Variants in DSC1 observed in about 807,000 individuals in gnomAD.
The protein encoded by DSC1 is desmocollin 1.
Under a neutral mutation model 98.8 loss-of-function variants are expected in DSC1, and 79 were observed. The observed-to-expected ratio is 0.80, with a 90% CI of 0.67 to 0.96. DSC1 has a LOEUF of 0.96. Among genes scored for constraint, DSC1 ranks in the 50% least tolerant of loss-of-function variants. The pLI, the probability that DSC1 is intolerant of heterozygous loss-of-function variation, is 0.00. For missense variants in DSC1, 1,115 were observed against 1,075.9 expected (o/e 1.04, Z -0.51); for synonymous variants, 405 against 372.1 (o/e 1.09, Z -1.02).
At chr18:31,145,406 G>C (rs2144937882) in intron 7 of DSC1, among the ~76,000 whole-genome samples, 1 of 152,304 alleles carries the variant, frequency 6.6e-6, no homozygotes, top group Middle Eastern at 3.4e-3. Context: ...AATCAGGTTA[G>C]TGATTTCAAG....
chr18:31,158,051 A>G (rs6506887), intron 2 of DSC1, among the ~76,000 whole-genome samples: 85,047 of 151,954 alleles, frequency 0.56, 24,090 homozygotes, highest in East Asian at 0.66. Flanking sequence ...GGAGGATCAC[A>G]AGGTCGGGAG....
intron 11 of DSC1, 74 bp from the exon 12 acceptor site, chr18:31,134,858 G>C: frequency 7.3e-7 from 1 of 1,367,072 alleles, no homozygotes; most frequent in Non-Finnish European, 1.0e-6. Context: ...AAAATACACA[G>C]TTGACATCTG....
chr18:31,133,907 A>T lies in DSC1; in HGVS notation c.2100T>A (p.Gly700=). The T allele has an allele frequency of 6.2e-7, 1 of 1,612,894 alleles. No homozygotes were observed. The highest frequency in any genetic ancestry group is 8.5e-7 in the Non-Finnish European group (1 of 1,179,390). The change falls in exon 13 of 16, where the codon GGT becomes GGA. Residue 700 remains glycine (G), a synonymous_variant. Coordinates refer to ENST00000257198, the MANE Select transcript of DSC1 (RefSeq NM_024421.2). ...GRWAILAMVL[G]SVLLLCILFT... ...TATACTTACATAATAACAATACAGA[A>T]CCCAACACCATAGCAAGAATAGCCC... is the stretch of plus-strand genomic sequence containing the variant.
In DSC1 at chr18:31,134,599, T is replaced by C; in HGVS notation, c.1849A>G (p.Lys617Glu). 6.2e-7 allele frequency: 1 copy of C among 1,611,518 alleles called. No homozygotes were observed. Among genetic ancestry groups the C allele is most frequent in the Non-Finnish European group, 8.5e-7 (1 of 1,178,576 alleles). Residue 617 changes from lysine to glutamate, a missense_variant, in exon 12 of 16, where the codon AAA becomes GAA. Transcript: ENST00000257198. Reference sequence around the variant, plus strand: ...TCCTTTTCTTCTATGTTCCAGTTTTTACTGGCAGAATTATCCAGAAAGAAT... The same window carrying C: ...TCCTTTTCTTCTATGTTCCAGTTTTCACTGGCAGAATTATCCAGAAAGAAT... ...FQFFLDNSAS[K>E]NWNIEEKDGK...
chr18:31,150,360 T>C (rs1341228941), intron 5 of DSC1, among the ~76,000 whole-genome samples: 5 of 22,634 alleles, frequency 2.2e-4, no homozygotes, highest in African/African-American at 7.3e-4. Flanking sequence ...ACCACCACCA[T>C]CATCACCACC....
chr18:31,140,184 C>G lies in DSC1; in HGVS notation c.1378G>C (p.Val460Leu). ...TPTMCTTTVT[V>L]KIIDSDEGPE... is the part of the protein sequence containing the mutation. ...CCCTCATCACTGTCTATAATTTTAA[C>G]GGTGACAGTTGTAGTGCACATTGTA... The change falls in exon 10 of 16, where the codon GTT (valine) becomes CTT (leucine). Residue 460 changes from valine (V) to leucine (L), a missense_variant. Transcript: ENST00000257198. 1.2e-6 allele frequency: 2 copies of G among 1,613,870 alleles called. No individual in the cohort carries two copies. Among genetic ancestry groups the G allele is most frequent in the Non-Finnish European group, 1.7e-6 (2 of 1,179,882 alleles).
In DSC1 at chr18:31,131,798, G is replaced by A. The variant is rs1988497658; in HGVS notation, c.2283C>T (p.Asp761=). ...CAACAGTACCAACAGACATGCTTGT[G>A]TCACAAATGTTGGATGTCTGCATGG... The part of the protein sequence containing the change: ...RLPMQTSNIC[D]TSMSVGTVGG... The change falls in exon 15 of 16, where the codon GAC becomes GAT. Residue 761 remains aspartate (D), a synonymous_variant. Coordinates refer to ENST00000257198, the MANE Select transcript of DSC1 (RefSeq NM_024421.2). The A allele has an allele frequency of 2.5e-6, 4 of 1,613,948 alleles. No individual in the cohort carries two copies. Among genetic ancestry groups the A allele is most frequent in the Non-Finnish European group, 3.4e-6 (4 of 1,179,988 alleles).
At chr18:31,140,910 C>T (rs570852602) in intron 9 of DSC1, among the ~76,000 whole-genome samples, 1 of 152,264 alleles carries the variant, frequency 6.6e-6, no homozygotes, top group Non-Finnish European at 1.5e-5. Flanking sequence ...GTAATTGAAT[C>T]TTGGGGGCCA....
chr18:31,150,198 TCAC>T lies in DSC1; in HGVS notation c.628-1559_628-1557del, dbSNP rs1330768993. Among the ~76,000 whole-genome samples, 88 of 111,436 alleles carry T rather than the reference TCAC, an allele frequency of 7.9e-4. No individual in the cohort carries two copies. In the Middle Eastern group the frequency reaches 0.02, roughly 26 times the overall value. The allele number at this position is 111,436 out of a possible 152,430, so 73.1% of individuals were successfully genotyped here. A position where few individuals can be genotyped will look rare whatever the true frequency, so the allele number is the denominator to read the frequency against. On this transcript the variant is annotated intron_variant, in intron 5 of 15. Coordinates refer to ENST00000257198, the MANE Select transcript of DSC1 (RefSeq NM_024421.2). The stretch of plus-strand genomic sequence containing the variant: ...ACCACTACCATCACCACCATCATCA[TCAC>T]CACCACCACCACCATCACCACCACT...
At chr18:31,160,929 A>T (rs1418910408) in intron 1 of DSC1, among the ~76,000 whole-genome samples, 2 of 152,122 alleles carry the variant, frequency 1.3e-5, no homozygotes, top group African/African-American at 4.8e-5. Flanking sequence ...ACATTCTAAG[A>T]AATGCAACGT....
Position 31,131,802 on chromosome 18 carries a change from CA to C in DSC1, c.2278del (p.Cys760ValfsTer103), listed in dbSNP as rs1598611623. 1 of 1,614,066 alleles carries C rather than the reference CA, an allele frequency of 6.2e-7. No individual in the cohort carries two copies. The highest frequency in any genetic ancestry group is 8.5e-7 in the Non-Finnish European group (1 of 1,179,972). On this transcript the variant is annotated frameshift_variant, in exon 15 of 16. Coordinates refer to ENST00000257198, the MANE Select transcript of DSC1 (RefSeq NM_024421.2). LOFTEE classifies it high-confidence loss of function. Reference sequence around the variant, plus strand: ...AGTACCAACAGACATGCTTGTGTCACAAATGTTGGATGTCTGCATGGGGAGT... The same window carrying C: ...AGTACCAACAGACATGCTTGTGTCACAATGTTGGATGTCTGCATGGGGAGT... ...IRLPMQTSNI[C>X]DTSMSVGTVG...
chr18:31,133,387 T>C (rs186078024), intron 13 of DSC1, among the ~76,000 whole-genome samples: 1 of 152,302 alleles, frequency 6.6e-6, no homozygotes, highest in Non-Finnish European at 1.5e-5. Context: ...TTGCTTTTCC[T>C]CAGTGGCTCA....
chr18:31,139,747 C>T lies in DSC1; in HGVS notation c.1663+1G>A. The T allele has an allele frequency of 6.3e-7, 1 of 1,595,090 alleles. No individual in the cohort carries two copies. Among genetic ancestry groups the T allele is most frequent in the South Asian group, 1.1e-5 (1 of 87,468 alleles). ...TTTTATCTGTAGAAAATGGCACTCA[C>T]CTGCATCCACTGCAACAACTGAAAT... is the stretch of plus-strand genomic sequence containing the variant. On this transcript the variant is annotated splice_donor_variant, in intron 11 of 15. Coordinates refer to ENST00000257198, the MANE Select transcript of DSC1 (RefSeq NM_024421.2). LOFTEE classifies it high-confidence loss of function.
chr18:31,142,499 C>T (rs1988758607), intron 8 of DSC1, among the ~76,000 whole-genome samples: 1 of 152,014 alleles, frequency 6.6e-6, no homozygotes, highest in African/African-American at 2.4e-5. Flanking sequence ...CTATCCTCTC[C>T]CATTTTTACA....
At position 31,132,059 on chromosome 18, in the gene DSC1, T is replaced by C. The variant is rs142733895; in HGVS notation, c.2239-217A>G. 2.5e-3 allele frequency: 1,496 copies of C among 588,996 alleles called. 20 individuals are homozygous for C. The highest frequency in any genetic ancestry group is 0.024 in the African/African-American group (1,280 of 53,570). The allele number at this position is 588,996 out of a possible 1,614,324, so 36.5% of individuals were successfully genotyped here. On this transcript the variant is annotated intron_variant, in intron 14 of 15. Coordinates refer to ENST00000257198, the MANE Select transcript of DSC1 (RefSeq NM_024421.2). ...TCAGTAACTCAGAATGTGAACTTAT[T>C]TGGAAATAGGGTCATTGTAGATGTA...
chr18:31,143,395 A>G (rs1244868508), intron 8 of DSC1, among the ~76,000 whole-genome samples: 1 of 92,602 alleles, frequency 1.1e-5, no homozygotes, highest in Non-Finnish European at 2.2e-5. Flanking sequence ...ATAAAATAAA[A>G]TAAAAGTTTA....
intron 5 of DSC1, among the ~76,000 whole-genome samples, chr18:31,153,250 A>G (rs951164655): frequency 1.3e-5 from 2 of 152,150 alleles, no homozygotes; most frequent in African/African-American, 2.4e-5. Context: ...TGCAACATAC[A>G]GAGTATGAGC....
intron 15 of DSC1, chr18:31,130,924 T>G: frequency 7.6e-7 from 1 of 1,308,144 alleles, no homozygotes; most frequent in Non-Finnish European, 1.1e-6. Context: ...AGTGAGCACA[T>G]TTAAAAAATT....
chr18:31,142,134 C>G lies in DSC1; in HGVS notation c.1125G>C (p.Met375Ile). Residue 375 changes from methionine to isoleucine, a missense_variant, in exon 9 of 16, where the codon ATG (methionine) becomes ATC (isoleucine). Coordinates refer to ENST00000257198, the MANE Select transcript of DSC1 (RefSeq NM_024421.2). The stretch of plus-strand genomic sequence containing the variant: ...TTGGCAAATCCTGATCCTGTACCTT[C>G]ATTCGTAAAATCTCCACGTCAATTC... ...ENRIDVEILRMKVQDQDLPNT... is the reference protein window; with the variant it reads ...ENRIDVEILRIKVQDQDLPNT... The G allele has an allele frequency of 6.2e-7, 1 of 1,613,120 alleles. No homozygotes were observed. The highest frequency in any genetic ancestry group is 1.3e-5 in the African/African-American group (1 of 74,956).
Sources: gnomAD v4.1 joint callset for allele counts (sites outside exome capture counted in the v4.1 genomes callset) on GRCh38, gnomAD v4.1.1 for gene constraint, MANE v1.5 for transcripts, NCBI Gene and HGNC (gene_info 2026-07-23, HGNC 2026-07-21) for gene names.